Variants in GRIK2 observed in about 807,000 individuals in gnomAD.
The protein encoded by GRIK2 is glutamate receptor ionotropic, kainate 2.
GRIK2 carries 32 observed loss-of-function variants against 100.3 expected under a neutral mutation model. That is an observed-to-expected ratio of 0.32 (90% CI 0.24 to 0.43). The LOEUF is 0.43. GRIK2 is among the 20% of genes least tolerant of loss of function. The pLI, the probability that GRIK2 is intolerant of heterozygous loss-of-function variation, is 1.00. For missense variants in GRIK2, 843 were observed against 1,114.9 expected (o/e 0.76, Z 3.47); for synonymous variants, 417 against 389.4 (o/e 1.07, Z -0.83).
At chr6:101,940,693 C>T (rs921986811) in intron 14 of GRIK2, among the ~76,000 whole-genome samples, 6 of 151,974 alleles carry the variant, frequency 3.9e-5, no homozygotes, top group Non-Finnish European at 5.9e-5. Context: ...CCACAAACTT[C>T]GAAAGTATCA....
intron 14 of GRIK2, among the ~76,000 whole-genome samples, chr6:101,950,360 G>A (rs1791534645): frequency 1.3e-5 from 2 of 152,114 alleles, no homozygotes; most frequent in African/African-American, 2.4e-5. Context: ...GTTGACCAGA[G>A]GTCACTTGAA....
intron 2 of GRIK2, among the ~76,000 whole-genome samples, chr6:101,428,854 C>T (rs1235288956): frequency 6.6e-6 from 1 of 152,168 alleles, no homozygotes; most frequent in Non-Finnish European, 1.5e-5. Context: ...ACATCCCTGT[C>T]TTCCTGCTCT....
chr6:101,885,587 C>T (rs1786555934), intron 11 of GRIK2, among the ~76,000 whole-genome samples: 1 of 151,950 alleles, frequency 6.6e-6, no homozygotes, highest in Admixed American at 6.6e-5. Context: ...ACATTTTTCC[C>T]TCATAATAGA....
At chr6:101,431,242 G>A (rs1391145199) in intron 2 of GRIK2, 1 of 166,886 alleles carries the variant, frequency 6.0e-6, no homozygotes, top group Non-Finnish European at 1.3e-5. Context: ...ATAATGCTGT[G>A]CTTGAAGGAG....
At chr6:101,691,004 G>T (rs1014096919) in intron 7 of GRIK2, among the ~76,000 whole-genome samples, 1 of 152,090 alleles carries the variant, frequency 6.6e-6, no homozygotes, top group Non-Finnish European at 1.5e-5. Context: ...TAGACTGTTA[G>T]CTCTTTTGAA....
At chr6:101,587,541 A>C (rs1462143431) in intron 2 of GRIK2, among the ~76,000 whole-genome samples, 1 of 152,152 alleles carries the variant, frequency 6.6e-6, no homozygotes, top group Non-Finnish European at 1.5e-5. Flanking sequence ...CTAATGATAG[A>C]TAAATTTTCA....
Position 101,517,931 on chromosome 6 carries a change from T to C in GRIK2, c.116-104018T>C, listed in dbSNP as rs571317404. ...TAGCACATACTAACCCTATGGTCTT[T>C]TACAGCTCTCATACTTATGAATTGA... On this transcript the variant is annotated intron_variant, in intron 2 of 16. Coordinates refer to ENST00000369134, the MANE Select transcript of GRIK2 (RefSeq NM_021956.5). 3.9e-5 allele frequency among the ~76,000 whole-genome samples: 6 copies of C among 152,248 alleles called. No individual in the cohort carries two copies. The South Asian group carries it at 1.2e-3, about 32-fold the overall frequency.
chr6:101,801,636 A>AGCT (rs1780676768), intron 8 of GRIK2, among the ~76,000 whole-genome samples: 1 of 151,958 alleles, frequency 6.6e-6, no homozygotes, highest in African/African-American at 2.4e-5. Context: ...GCTATTTCCA[A>AGCT]ATGACAAACA....
At chr6:101,578,495 G>A (rs1381834962) in intron 2 of GRIK2, among the ~76,000 whole-genome samples, 1 of 152,166 alleles carries the variant, frequency 6.6e-6, no homozygotes, top group Non-Finnish European at 1.5e-5. Flanking sequence ...TGCCAAGAGA[G>A]CTAATCAGAG....
At chr6:101,791,206 C>T (rs1257650855) in intron 7 of GRIK2, among the ~76,000 whole-genome samples, 2 of 152,092 alleles carry the variant, frequency 1.3e-5, no homozygotes, top group South Asian at 2.1e-4. Flanking sequence ...TGTCTATTTC[C>T]TTCAGTTCTG....
At chr6:101,719,362 T>A (rs975456936) in intron 7 of GRIK2, among the ~76,000 whole-genome samples, 2 of 151,912 alleles carry the variant, frequency 1.3e-5, no homozygotes, top group African/African-American at 4.8e-5. Context: ...TAACAAAATA[T>A]ACTTTCACTG....
At chr6:101,993,654 T>G (rs1181717593) in intron 14 of GRIK2, 2 of 150,528 alleles carry the variant, frequency 1.3e-5, no homozygotes, top group Non-Finnish European at 3.0e-5. Context: ...AAAGAAATTT[T>G]AAAATTCCTG....
At chr6:101,498,601 C>A (rs1304133562) in intron 2 of GRIK2, among the ~76,000 whole-genome samples, 1 of 151,040 alleles carries the variant, frequency 6.6e-6, no homozygotes, top group Non-Finnish European at 1.5e-5. Flanking sequence ...TTTTGATTTG[C>A]ATTTCTCTGA....
At chr6:101,680,166 T>G (rs2128341456) in intron 5 of GRIK2, among the ~76,000 whole-genome samples, 1 of 152,296 alleles carries the variant, frequency 6.6e-6, no homozygotes, top group South Asian at 2.1e-4. Context: ...CTTCTCAAGG[T>G]GATGAAGAAA....
At chr6:101,507,800 G>GC (rs1379745044) in intron 2 of GRIK2, among the ~76,000 whole-genome samples, 2 of 152,144 alleles carry the variant, frequency 1.3e-5, no homozygotes, top group South Asian at 2.1e-4. Flanking sequence ...TCAGGATCAT[G>GC]CCCCCAGAAG....
At chr6:101,997,021 T>C (rs1794686321) in intron 14 of GRIK2, among the ~76,000 whole-genome samples, 1 of 152,158 alleles carries the variant, frequency 6.6e-6, no homozygotes, top group Admixed American at 6.6e-5. Flanking sequence ...TAATTATTTG[T>C]TGATACTCTT....
chr6:101,426,660 A>G (rs1194417687), intron 2 of GRIK2, among the ~76,000 whole-genome samples: 1 of 152,182 alleles, frequency 6.6e-6, no homozygotes, highest in East Asian at 1.9e-4. Flanking sequence ...CAGGCACTCA[A>G]ATGGTGTAGC....
chr6:101,952,542 C>T (rs915341931), intron 14 of GRIK2, among the ~76,000 whole-genome samples: 3 of 151,636 alleles, frequency 2.0e-5, no homozygotes, highest in African/African-American at 7.3e-5. Context: ...CCATGTAATT[C>T]ACCTGTTTAA....
chr6:101,982,589 G>GAATTT (rs1793778259), intron 14 of GRIK2, among the ~76,000 whole-genome samples: 1 of 150,944 alleles, frequency 6.6e-6, no homozygotes, highest in South Asian at 2.1e-4. Flanking sequence ...GAGAAAAATT[G>GAATTT]AATTTAAAAA....
Sources: gnomAD v4.1 joint callset for allele counts (sites outside exome capture counted in the v4.1 genomes callset) on GRCh38, gnomAD v4.1.1 for gene constraint, MANE v1.5 for transcripts, NCBI Gene and HGNC (gene_info 2026-07-23, HGNC 2026-07-21) for gene names.